Variants in SLC25A30 observed in about 807,000 individuals in gnomAD.
The protein encoded by SLC25A30 is solute carrier family 25 member 30, also known as kidney mitochondrial carrier protein 1.
SLC25A30 carries 29 observed loss-of-function variants against 42.7 expected under a neutral mutation model. That is an observed-to-expected ratio of 0.68 (90% CI 0.51 to 0.93). The LOEUF (loss-of-function observed/expected upper bound fraction) is 0.93. Ranked by LOEUF, SLC25A30 falls within the 40% of genes least tolerant of loss-of-function variation. The probability of loss-of-function intolerance (pLI) is 0.00; values close to 1 mark genes in which losing one functional copy is unlikely to be tolerated. For missense variants in SLC25A30, 300 were observed against 359.7 expected, an observed-to-expected ratio of 0.83 and a Z score of 1.34; for synonymous variants, 124 against 131.0, an observed-to-expected ratio of 0.95 and a Z score of 0.37.
intron 9 of SLC25A30, 53 bp from the exon 10 acceptor site, chr13:45,396,068 T>C: frequency 6.2e-7 from 1 of 1,614,132 alleles, no homozygotes; most frequent in Non-Finnish European, 8.5e-7. Flanking sequence ...ACAACTCCAG[T>C]GCATAACAAC....
intron 7 of SLC25A30, 66 bp from the exon 8 acceptor site, chr13:45,399,144 G>C: frequency 6.8e-7 from 1 of 1,475,722 alleles, no homozygotes; most frequent in Non-Finnish European, 9.1e-7. Context: ...CACCATCAAA[G>C]GCAGAAAACA....
intron 3 of SLC25A30, among the ~76,000 whole-genome samples, chr13:45,407,615 A>C (rs1165903004): frequency 6.6e-6 from 1 of 152,200 alleles, no homozygotes; most frequent in Non-Finnish European, 1.5e-5. Context: ...CCATGCTTCC[A>C]ACATGGATCC....
the SLC25A30 span, among the ~76,000 whole-genome samples, chr13:45,426,083 T>A: frequency 6.7e-6 from 1 of 149,294 alleles, no homozygotes; most frequent in Admixed American, 6.7e-5. Flanking sequence ...TTTAAATATA[T>A]TTTTAAATGT....
the SLC25A30 span, among the ~76,000 whole-genome samples, chr13:45,430,414 A>T: frequency 1.3e-5 from 2 of 152,210 alleles, no homozygotes; most frequent in Non-Finnish European, 2.9e-5. Context: ...GAAAGAGTTT[A>T]AAGTAGTTGC....
chr13:45,425,656 A>G, the SLC25A30 span, among the ~76,000 whole-genome samples: 1 of 109,562 alleles, frequency 9.1e-6, no homozygotes, highest in Non-Finnish European at 2.0e-5. Context: ...ATATAAGTAT[A>G]TATAAATATA....
chr13:45,398,069 A>C, intron 8 of SLC25A30: 3 of 985,342 alleles, frequency 3.0e-6, no homozygotes, highest in Non-Finnish European at 3.6e-6. Context: ...CAACACCTGA[A>C]GAATAAAATG....
At chr13:45,430,988 G>A in the SLC25A30 span, among the ~76,000 whole-genome samples, 1 of 151,880 alleles carries the variant, frequency 6.6e-6, no homozygotes, top group Non-Finnish European at 1.5e-5. Context: ...TCTACCCAAT[G>A]GTCCCACCTA....
chr13:45,425,585 A>C, the SLC25A30 span, among the ~76,000 whole-genome samples: 142 of 71,040 alleles, frequency 2.0e-3, 19 homozygotes, highest in Non-Finnish European at 2.0e-3. Flanking sequence ...TATATATATA[A>C]ATATATATAT....
intron 1 of SLC25A30, among the ~76,000 whole-genome samples, chr13:45,417,173 G>A (rs1327614342): frequency 6.6e-6 from 1 of 152,078 alleles, no homozygotes; most frequent in African/African-American, 2.4e-5. Context: ...CACCACGCCC[G>A]GCTAATTTTG....
chr13:45,432,709 T>TA, the SLC25A30 span, among the ~76,000 whole-genome samples: 1,008 of 130,102 alleles, frequency 7.7e-3, 8 homozygotes, highest in African/African-American at 0.018. Context: ...TATAGGACAC[T>TA]AAAAAAAAAA....
chr13:45,423,751 T>TATATATAA, the SLC25A30 span, among the ~76,000 whole-genome samples: 20 of 13,278 alleles, frequency 1.5e-3, 4 homozygotes, highest in African/African-American at 4.6e-3. Context: ...AATATATAAA[T>TATATATAA]ATATATAAAT....
the SLC25A30 span, among the ~76,000 whole-genome samples, chr13:45,423,744 A>ATATAAATATG: frequency 1.3e-5 from 1 of 75,096 alleles, no homozygotes; most frequent in East Asian, 3.9e-4. Context: ...ATATATAAAT[A>ATATAAATATG]TATAAATATA....
At chr13:45,433,249 GA>G in the SLC25A30 span, among the ~76,000 whole-genome samples, 2 of 152,086 alleles carry the variant, frequency 1.3e-5, no homozygotes, top group Non-Finnish European at 2.9e-5. Flanking sequence ...CTCTTTTCAT[GA>G]AAAAGAATTT....
Position 45,394,648 on chromosome 13 carries a change from G to T in SLC25A30, c.*1326C>A. ...CTAAGATGAAGACAAGAAGGAAGAG[G>T]GCTCTTTCTCTGAAGCAGGTTAGAG... On this transcript the variant is annotated 3_prime_UTR_variant, in exon 10 of 10. Coordinates refer to ENST00000519676, the MANE Select transcript of SLC25A30 (RefSeq NM_001010875.4). 1 of 985,132 alleles carries T rather than the reference G, an allele frequency of 1.0e-6. No individual in the cohort carries two copies. Among genetic ancestry groups the T allele is most frequent in the Non-Finnish European group, 1.2e-6 (1 of 829,852 alleles). The allele number at this position is 985,132 out of a possible 1,614,324, so 61.0% of individuals were successfully genotyped here. A position where few individuals can be genotyped will look rare whatever the true frequency, so the allele number is the denominator to read the frequency against.
At chr13:45,416,178 C>T (rs1474217941) in intron 1 of SLC25A30, among the ~76,000 whole-genome samples, 1 of 149,864 alleles carries the variant, frequency 6.7e-6, no homozygotes, top group Non-Finnish European at 1.5e-5. Context: ...GAGGCCGAGG[C>T]GGGTGGATCA....
the SLC25A30 span, among the ~76,000 whole-genome samples, chr13:45,424,133 AAAT>A: frequency 1.0e-5 from 1 of 99,350 alleles, no homozygotes; most frequent in East Asian, 3.2e-4. Context: ...ATAAATATAT[AAAT>A]ATATAAATAT....
chr13:45,427,074 C>T, the SLC25A30 span, among the ~76,000 whole-genome samples: 4 of 152,060 alleles, frequency 2.6e-5, no homozygotes, highest in Non-Finnish European at 5.9e-5. Flanking sequence ...AAAATCAGGA[C>T]ATTAATGAGA....
At chr13:45,425,552 G>C in the SLC25A30 span, among the ~76,000 whole-genome samples, 1 of 46,242 alleles carries the variant, frequency 2.2e-5, no homozygotes, top group Non-Finnish European at 4.7e-5. Context: ...ATATATATAA[G>C]TATATATATA....
chr13:45,394,425 A>G lies in SLC25A30; in HGVS notation c.*1549T>C. ...TGCAGTCCTTCTATTCAGTCTCAAC[A>G]AAGAGACTGGCCAGACTGGGAATTT... On this transcript the variant is annotated 3_prime_UTR_variant, in exon 10 of 10. Transcript: ENST00000519676. 3.0e-6 allele frequency: 3 copies of G among 984,122 alleles called. No individual in the cohort carries two copies. The highest frequency in any genetic ancestry group is 3.6e-6 in the Non-Finnish European group (3 of 829,938). The allele number at this position is 984,122 out of a possible 1,614,324, so 61.0% of individuals were successfully genotyped here. A position where few individuals can be genotyped will look rare whatever the true frequency, so the allele number is the denominator to read the frequency against.
Sources: gnomAD v4.1 joint callset for allele counts (sites outside exome capture counted in the v4.1 genomes callset) on GRCh38, gnomAD v4.1.1 for gene constraint, MANE v1.5 for transcripts, NCBI Gene and HGNC (gene_info 2026-07-23, HGNC 2026-07-21) for gene names.